SRGAP3: variants seen among roughly 807,000 people sequenced by gnomAD.
The protein encoded by SRGAP3 is SLIT-ROBO Rho GTPase activating protein 3.
Under a neutral mutation model 121.1 loss-of-function variants are expected in SRGAP3, and 39 were observed. The observed-to-expected ratio is 0.32, with a 90% CI of 0.25 to 0.42. The LOEUF (loss-of-function observed/expected upper bound fraction) is 0.42, where lower values mean the gene tolerates loss of function less well. Ranked by LOEUF, SRGAP3 falls within the 10% of genes least tolerant of loss-of-function variation. SRGAP3 has a pLI of 1.00. For synonymous variants in SRGAP3, 601 were observed against 570.0 expected, an observed-to-expected ratio of 1.05 and a Z score of -0.77; for missense variants, 1,213 against 1,470.6, an observed-to-expected ratio of 0.82 and a Z score of 2.86.
chr3:8,996,299 C>T (rs1172165917), intron 18 of SRGAP3, among the ~76,000 whole-genome samples: 1 of 152,090 alleles, frequency 6.6e-6, no homozygotes, highest in Non-Finnish European at 1.5e-5. Flanking sequence ...AATCAAAGAG[C>T]AGGAGGAGGA....
intron 12 of SRGAP3, chr3:9,028,145 T>A (rs1180192993): frequency 1.2e-6 from 2 of 1,614,010 alleles, no homozygotes; most frequent in Non-Finnish European, 1.7e-6. Flanking sequence ...TAACAAAAAA[T>A]AAACAGGCAG....
chr3:9,005,541 C>A (rs754379175), intron 18 of SRGAP3, among the ~76,000 whole-genome samples: 1 of 152,118 alleles, frequency 6.6e-6, no homozygotes, highest in Non-Finnish European at 1.5e-5. Context: ...CATCAATTGA[C>A]AAATGGATAA....
chr3:9,156,005 T>C (rs922722405), intron 1 of SRGAP3, among the ~76,000 whole-genome samples: 1 of 152,094 alleles, frequency 6.6e-6, no homozygotes, highest in Non-Finnish European at 1.5e-5. Context: ...TTAGTAGAGA[T>C]GGGGTTTCAC....
chr3:9,068,085 GC>G (rs1946514671), intron 4 of SRGAP3, among the ~76,000 whole-genome samples: 1 of 152,114 alleles, frequency 6.6e-6, no homozygotes, highest in Non-Finnish European at 1.5e-5. Context: ...CCACCATATT[GC>G]TGGTGTTTTT....
chr3:9,001,540 C>T (rs1252656800), intron 18 of SRGAP3, among the ~76,000 whole-genome samples: 1 of 152,030 alleles, frequency 6.6e-6, no homozygotes, highest in Non-Finnish European at 1.5e-5. Context: ...ATATGAGACA[C>T]ACAGAAAACA....
At chr3:9,187,749 T>TACCCTCAGGCTCGATCTCAGGGTCC (rs1560376435) in intron 1 of SRGAP3, among the ~76,000 whole-genome samples, 1 of 151,884 alleles carries the variant, frequency 6.6e-6, no homozygotes, top group Non-Finnish European at 1.5e-5. Context: ...CACCAGGGTC[T>TACCCTCAGGCTCGATCTCAGGGTCC]TACCCTCAGG....
intron 3 of SRGAP3, among the ~76,000 whole-genome samples, chr3:9,309,639 T>C (rs1955210990): frequency 6.6e-6 from 1 of 152,112 alleles, no homozygotes; most frequent in South Asian, 2.1e-4. Context: ...GGCAGGAGGA[T>C]CACTTGAGCC....
intron 6 of SRGAP3, chr3:9,059,116 C>T (rs1484134951): frequency 6.5e-6 from 1 of 153,878 alleles, no homozygotes; most frequent in African/African-American, 2.4e-5. Context: ...TTGATGTTCT[C>T]CCCACTCAGA....
Position 9,249,247 on chromosome 3 carries a change from C to CA in SRGAP3, c.-297dup. On this transcript the variant is annotated 5_prime_UTR_variant, in exon 1 of 22. An upstream open reading frame in the 5' UTR loses its in-frame stop. Transcript: ENST00000383836. ...CCCAGATTTTCAAAGATTTTTCTTC[C>CA]AAAAATAATAATAATAGTAATAACC... 2.0e-6 allele frequency: 1 copy of CA among 498,946 alleles called. No homozygotes were observed. Among genetic ancestry groups the CA allele is most frequent in the Non-Finnish European group, 3.7e-6 (1 of 273,798 alleles). The allele number at this position is 498,946 out of a possible 1,614,324, so 30.9% of individuals were successfully genotyped here. A position where few individuals can be genotyped will look rare whatever the true frequency, so the allele number is the denominator to read the frequency against.
intron 3 of SRGAP3, among the ~76,000 whole-genome samples, chr3:9,302,105 T>C (rs1955068812): frequency 6.6e-6 from 1 of 152,114 alleles, no homozygotes; most frequent in Admixed American, 6.5e-5. Flanking sequence ...GTTCACCGAG[T>C]CCCCACGGTG....
At chr3:9,279,242 C>T (rs529376372) in intron 3 of SRGAP3, among the ~76,000 whole-genome samples, 1 of 152,252 alleles carries the variant, frequency 6.6e-6, no homozygotes, top group Non-Finnish European at 1.5e-5. Context: ...CATCAGTCAT[C>T]GAAGAGGGGT....
At chr3:9,005,652 G>T (rs1465268480) in intron 18 of SRGAP3, among the ~76,000 whole-genome samples, 1 of 152,168 alleles carries the variant, frequency 6.6e-6, no homozygotes. Context: ...ACTGTGCTAA[G>T]AGAAAGGCCA....
At chr3:9,293,666 T>C (rs1372545713) in intron 3 of SRGAP3, among the ~76,000 whole-genome samples, 1 of 152,074 alleles carries the variant, frequency 6.6e-6, no homozygotes, top group Admixed American at 6.6e-5. Context: ...CATTAAAAAG[T>C]GGGCAAAGGA....
chr3:9,319,231 C>T (rs991132051), intron 3 of SRGAP3, among the ~76,000 whole-genome samples: 18 of 151,960 alleles, frequency 1.2e-4, no homozygotes, highest in African/African-American at 4.3e-4. Context: ...CACATAATGC[C>T]AAACCCAGCG....
chr3:9,160,871 T>C (rs1027473664), intron 1 of SRGAP3, among the ~76,000 whole-genome samples: 3 of 152,078 alleles, frequency 2.0e-5, no homozygotes, highest in Non-Finnish European at 4.4e-5. Context: ...AAAATACAAC[T>C]TGAGCACCAA....
At chr3:9,149,772 CAT>C (rs1455041387) in intron 1 of SRGAP3, among the ~76,000 whole-genome samples, 1 of 152,232 alleles carries the variant, frequency 6.6e-6, no homozygotes, top group Non-Finnish European at 1.5e-5. Context: ...TAACTCCAGA[CAT>C]GTGAGCAATA....
intron 3 of SRGAP3, among the ~76,000 whole-genome samples, chr3:9,305,900 T>C (rs1955153042): frequency 6.6e-6 from 1 of 152,204 alleles, no homozygotes; most frequent in Non-Finnish European, 1.5e-5. Context: ...AGTGGCATGA[T>C]TTATAATCCT....
chr3:9,011,388 C>T (rs556702287), intron 17 of SRGAP3, among the ~76,000 whole-genome samples: 1 of 152,306 alleles, frequency 6.6e-6, no homozygotes, highest in Non-Finnish European at 1.5e-5. Context: ...TGAATCAGGA[C>T]CAAACTCAAT....
chr3:9,128,667 T>A (rs1188510222), intron 1 of SRGAP3, among the ~76,000 whole-genome samples: 1 of 152,246 alleles, frequency 6.6e-6, no homozygotes, highest in Non-Finnish European at 1.5e-5. Context: ...AGTATCTTTA[T>A]AGCCAAATAT....
Sources: gnomAD v4.1 joint callset for allele counts (sites outside exome capture counted in the v4.1 genomes callset) on GRCh38, gnomAD v4.1.1 for gene constraint, MANE v1.5 for transcripts, NCBI Gene and HGNC (gene_info 2026-07-23, HGNC 2026-07-21) for gene names.